WSB1: variants seen among roughly 807,000 people sequenced by gnomAD.
WSB1 encodes the protein WD repeat and SOCS box containing 1, also known as WD repeat and SOCS box-containing protein 1.
In WSB1, 23 loss-of-function variants were observed where a neutral mutation model predicts 50.2. The ratio of observed to expected loss-of-function variants is 0.46; its 90% CI spans 0.33 to 0.65. The LOEUF is 0.65. WSB1 is among the 30% of genes least tolerant of loss of function. The pLI, the probability that WSB1 is intolerant of heterozygous loss-of-function variation, is 0.02. For missense variants in WSB1, 492 were observed against 522.3 expected, an observed-to-expected ratio of 0.94 and a Z score of 0.56; for synonymous variants, 179 against 172.0, an observed-to-expected ratio of 1.04 and a Z score of -0.32.
At chr17:27,296,278 A>G (rs1484626486) in intron 1 of WSB1, among the ~76,000 whole-genome samples, 1 of 144,928 alleles carries the variant, frequency 6.9e-6, no homozygotes, top group African/African-American at 2.6e-5. Context: ...TCTCAGTGTT[A>G]TTTCCTGGAT....
intron 4 of WSB1, among the ~76,000 whole-genome samples, chr17:27,305,770 G>A (rs553926022): frequency 3.8e-4 from 58 of 152,308 alleles, no homozygotes; most frequent in African/African-American, 1.4e-3. Flanking sequence ...TGTTTTATCT[G>A]CTCAGCTGTT....
At chr17:27,310,289 G>A (rs73984467) in intron 7 of WSB1, 115 bp downstream of exon 7, 12,922 of 877,254 alleles carry the variant, frequency 0.015, 248 homozygotes, top group African/African-American at 0.055. Context: ...AAGCCCCTGG[G>A]AGATTTTGTT....
intron 6 of WSB1, among the ~76,000 whole-genome samples, chr17:27,309,820 ATCC>A (rs1478996864): frequency 6.6e-6 from 1 of 152,150 alleles, no homozygotes; most frequent in African/African-American, 2.4e-5. Flanking sequence ...TGATCTCGTG[ATCC>A]ACCTGCCTTA....
Position 27,294,267 on chromosome 17 carries a change from C to T in WSB1, c.-129C>T, listed in dbSNP as rs1439344230. On this transcript the variant is annotated 5_prime_UTR_variant, in exon 1 of 9. Coordinates refer to ENST00000262394, the MANE Select transcript of WSB1 (RefSeq NM_015626.10). The stretch of plus-strand genomic sequence containing the variant: ...CAGTTAGCAGAAGCCGCAGCGGCCG[C>T]CCCCGCCCGTCTCCTCTGTCCCTGG... 8.4e-6 allele frequency: 11 copies of T among 1,309,988 alleles called. No individual in the cohort carries two copies. The highest frequency in any genetic ancestry group is 3.0e-5 in the African/African-American group (2 of 66,998). 81.1% of individuals were successfully genotyped at this position (1,309,988 alleles called of 1,614,324 possible). A position where few individuals can be genotyped will look rare whatever the true frequency, so the allele number is the denominator to read the frequency against.
intron 5 of WSB1, chr17:27,307,112 A>G (rs569206486): frequency 2.4e-5 from 12 of 495,298 alleles, no homozygotes; most frequent in African/African-American, 2.4e-4. Flanking sequence ...TGGGCATATC[A>G]GGGTTTTTTT....
intron 7 of WSB1, 130 bp downstream of exon 7, chr17:27,310,304 C>A: frequency 1.4e-6 from 1 of 740,358 alleles, no homozygotes; most frequent in Non-Finnish European, 2.2e-6. Context: ...TTTGTTGTGT[C>A]TTAAAGAATA....
intron 2 of WSB1, among the ~76,000 whole-genome samples, chr17:27,302,215 C>T (rs1286320951): frequency 2.0e-5 from 3 of 151,890 alleles, no homozygotes; most frequent in South Asian, 2.1e-4. Flanking sequence ...GTTTGATACC[C>T]GCCTGGCCAA....
rs147770873 is a variant in WSB1, at chr17:27,305,077, A to G, written c.610+166A>G. Among the ~76,000 whole-genome samples the G allele has an allele frequency of 2.8e-3, 433 of 152,338 alleles. 2 individuals carry two copies. The highest frequency in any genetic ancestry group is 0.025 in the Admixed American group (389 of 15,298). On this transcript the variant is annotated intron_variant, in intron 4 of 8. Transcript: ENST00000262394. ...TTTCCTGAATAGATCAAAGAAAAAC[A>G]TAAATGTGACCCAGAATAGGAGCCA...
At chr17:27,304,593 T>A (rs1022599182) in intron 3 of WSB1, among the ~76,000 whole-genome samples, 187 bp from the exon 4 acceptor site, 5 of 147,000 alleles carry the variant, frequency 3.4e-5, no homozygotes, top group African/African-American at 1.3e-4. Context: ...GTAACTGTAG[T>A]TCCAACTATT....
intron 5 of WSB1, chr17:27,308,655 A>T: frequency 2.0e-6 from 2 of 986,450 alleles, no homozygotes; most frequent in Non-Finnish European, 2.4e-6. Context: ...TCTCAAAGGG[A>T]GATGCCAATG....
Position 27,294,453 on chromosome 17 carries a change from G to A in WSB1, c.40+18G>A. 1 of 1,612,608 alleles carries A rather than the reference G, an allele frequency of 6.2e-7. No individual in the cohort carries two copies. Among genetic ancestry groups the A allele is most frequent in the East Asian group, 2.2e-5 (1 of 44,788 alleles). On this transcript the variant is annotated intron_variant, in intron 1 of 8. Coordinates refer to ENST00000262394, the MANE Select transcript of WSB1 (RefSeq NM_015626.10). ...AGAGATCGGTGAGGATTGGGACCGT[G>A]GGTGGGCGCATGAGGGCCGAGGAGA...
At position 27,303,616 on chromosome 17, in the gene WSB1, A is replaced by AAT; in HGVS notation, c.462_463dup (p.Trp155TyrfsTer14). The AAT allele has an allele frequency of 6.2e-7, 1 of 1,614,158 alleles. No individual in the cohort carries two copies. Among genetic ancestry groups the AAT allele is most frequent in the Non-Finnish European group, 8.5e-7 (1 of 1,179,992 alleles). ...CAGGGTTGAACAATGGGCGTATCAA[A>AAT]ATATGGGATGTATATACAGGTATGG... On this transcript the variant is annotated frameshift_variant, in exon 3 of 9. Coordinates refer to ENST00000262394, the MANE Select transcript of WSB1 (RefSeq NM_015626.10). LOFTEE classifies it high-confidence loss of function.
chr17:27,306,150 G>T (rs1199271808), intron 4 of WSB1, among the ~76,000 whole-genome samples: 2 of 141,530 alleles, frequency 1.4e-5, no homozygotes, highest in Non-Finnish European at 3.1e-5. Flanking sequence ...TTGCTGTTGT[G>T]TTCCAGTTGC....
chr17:27,306,351 T>C (rs772654624), intron 4 of WSB1, among the ~76,000 whole-genome samples: 15 of 151,994 alleles, frequency 9.9e-5, no homozygotes, highest in Non-Finnish European at 2.1e-4. Context: ...TAGCTAGGAT[T>C]ACCGGCATGC....
At chr17:27,305,167 A>C (rs1172107826) in intron 4 of WSB1, among the ~76,000 whole-genome samples, 2 of 152,206 alleles carry the variant, frequency 1.3e-5, no homozygotes, top group African/African-American at 4.8e-5. Context: ...TGTATCAACT[A>C]TCTGAGGACC....
chr17:27,315,431 C>G lies in WSB1; in HGVS notation c.*3062C>G, dbSNP rs1452223320. ...TTGGCAAATCTTAAACTTAACGATC[C>G]TTGAAATTTCCTGCCTGCTGTGACT... On this transcript the variant is annotated 3_prime_UTR_variant, in exon 9 of 9. Transcript: ENST00000262394. 3 of 152,186 alleles carry G rather than the reference C, an allele frequency of 2.0e-5. No individual in the cohort carries two copies. Among genetic ancestry groups the G allele is most frequent in the African/African-American group, 7.2e-5 (3 of 41,452 alleles). 9.4% of individuals were successfully genotyped at this position (152,186 alleles called of 1,614,324 possible). A position where few individuals can be genotyped will look rare whatever the true frequency, so the allele number is the denominator to read the frequency against.
intron 1 of WSB1, among the ~76,000 whole-genome samples, chr17:27,295,527 A>C (rs1161757459): frequency 6.6e-6 from 1 of 152,134 alleles, no homozygotes; most frequent in African/African-American, 2.4e-5. Flanking sequence ...GGTTTTAATA[A>C]CCATTTTTAA....
chr17:27,312,307 C>G lies in WSB1; in HGVS notation c.1204C>G (p.Gln402Glu), dbSNP rs772214577. The G allele has an allele frequency of 9.9e-6, 16 of 1,614,064 alleles. No individual in the cohort carries two copies. In the African/African-American group the frequency reaches 1.6e-4, roughly 16 times the overall value. Residue 402 changes from glutamine to glutamate, a missense_variant, in exon 9 of 9, where the codon CAA becomes GAA. Gln to Glu is a conservative substitution (Grantham distance 29, BLOSUM62 2). Transcript: ENST00000262394. ...RMSIRRVMPT[Q>E]EVQELPIPSK... ...GTCAATCCGAAGAGTGATGCCCACC[C>G]AAGAAGTTCAGGAGCTGCCGATTCC...
At position 27,313,047 on chromosome 17, in the gene WSB1, A is replaced by C. The variant is rs1284775547; in HGVS notation, c.*678A>C. 1 of 152,552 alleles carries C rather than the reference A, an allele frequency of 6.6e-6. No individual in the cohort carries two copies. Among genetic ancestry groups the C allele is most frequent in the African/African-American group, 2.4e-5 (1 of 41,386 alleles). 9.4% of individuals were successfully genotyped at this position (152,552 alleles called of 1,614,324 possible). A position where few individuals can be genotyped will look rare whatever the true frequency, so the allele number is the denominator to read the frequency against. ...CAGAGCGAGACTCCATCTCAAAAAA[A>C]AAAAAAAATTGTGTTGCCTCATACG... is the stretch of plus-strand genomic sequence containing the variant. On this transcript the variant is annotated 3_prime_UTR_variant, in exon 9 of 9. Coordinates refer to ENST00000262394, the MANE Select transcript of WSB1 (RefSeq NM_015626.10).
Sources: gnomAD v4.1 joint callset for allele counts (sites outside exome capture counted in the v4.1 genomes callset) on GRCh38, gnomAD v4.1.1 for gene constraint, MANE v1.5 for transcripts, NCBI Gene and HGNC (gene_info 2026-07-23, HGNC 2026-07-21) for gene names.